NRG1: variants seen among roughly 807,000 people sequenced by gnomAD.
The protein encoded by NRG1 is neuregulin 1.
NRG1 carries 18 observed loss-of-function variants against 63.8 expected under a neutral mutation model. That is an observed-to-expected ratio of 0.28 (90% CI 0.19 to 0.42). The LOEUF (loss-of-function observed/expected upper bound fraction) is 0.42, where lower values mean the gene tolerates loss of function less well. Among genes scored for constraint, NRG1 ranks in the 10% least tolerant of loss-of-function variants. NRG1 has a pLI of 1.00. For synonymous variants in NRG1, 302 were observed against 301.3 expected (o/e 1.00, Z -0.02); for missense variants, 762 against 814.7 (o/e 0.94, Z 0.79).
In NRG1 at chr8:32,339,652, T is replaced by C. The variant is rs1414814895; in HGVS notation, c.38-256176T>C. 2.0e-5 allele frequency among the ~76,000 whole-genome samples: 3 copies of C among 152,190 alleles called. No homozygotes were observed. The East Asian group carries it at 5.8e-4, about 29-fold the overall frequency. ...TACATGCTTTATCTAATTTAATCTG[T>C]ACAACCAATTTATGAAATGGGCATT... On this transcript the variant is annotated intron_variant, in intron 1 of 10. Coordinates refer to the NRG1 transcript ENST00000519301.
chr8:32,539,236 C>T (rs1372021636), intron 1 of NRG1, among the ~76,000 whole-genome samples: 1 of 152,134 alleles, frequency 6.6e-6, no homozygotes, highest in African/African-American at 2.4e-5. Context: ...CTAATAGAGA[C>T]GTTACACGAA....
chr8:31,649,294 A>G (rs901046136), intron 1 of NRG1, among the ~76,000 whole-genome samples: 2 of 152,150 alleles, frequency 1.3e-5, no homozygotes, highest in African/African-American at 2.4e-5. Context: ...AGGAGCTATC[A>G]TACTGTTTTC....
At position 31,695,376 on chromosome 8, in the gene NRG1, G is replaced by A. The variant is rs562802649; in HGVS notation, c.37+55945G>A. Among the ~76,000 whole-genome samples, 222 of 152,276 alleles carry A rather than the reference G, an allele frequency of 1.5e-3. 1 individual carries two copies. Among genetic ancestry groups the A allele is most frequent in the African/African-American group, 5.1e-3 (212 of 41,552 alleles). Reference sequence around the variant, plus strand: ...GTAAATACGGGGTTTTGCCCTGTTGGCGAGGCTGATCTCAAACTCCTGGCC... The same window carrying A: ...GTAAATACGGGGTTTTGCCCTGTTGACGAGGCTGATCTCAAACTCCTGGCC... On this transcript the variant is annotated intron_variant, in intron 1 of 10. Coordinates refer to the NRG1 transcript ENST00000519301.
intron 1 of NRG1, among the ~76,000 whole-genome samples, chr8:32,273,921 A>G (rs1378196926): frequency 6.6e-6 from 1 of 152,226 alleles, no homozygotes; most frequent in Admixed American, 6.5e-5. Flanking sequence ...AGAACAATTA[A>G]TAGTCATAAT....
At chr8:31,781,311 A>G (rs1819660045) in intron 1 of NRG1, among the ~76,000 whole-genome samples, 1 of 152,098 alleles carries the variant, frequency 6.6e-6, no homozygotes, top group Admixed American at 6.5e-5. Flanking sequence ...TAGCTTGTGT[A>G]CAAAGGTTGT....
At chr8:32,155,341 T>C (rs760920228) in intron 1 of NRG1, among the ~76,000 whole-genome samples, 22 of 152,222 alleles carry the variant, frequency 1.4e-4, no homozygotes, top group Non-Finnish European at 2.8e-4. Flanking sequence ...TTGAGTTTTC[T>C]TCCTTCAATT....
At chr8:32,743,501 G>A (rs370792067) in intron 7 of NRG1, among the ~76,000 whole-genome samples, 125 of 145,146 alleles carry the variant, frequency 8.6e-4, no homozygotes, top group Non-Finnish European at 1.5e-3. Flanking sequence ...CTCAACTATA[G>A]GATAAATATG....
chr8:31,968,582 T>C (rs913667931), intron 1 of NRG1, among the ~76,000 whole-genome samples: 3 of 152,160 alleles, frequency 2.0e-5, no homozygotes, highest in Admixed American at 6.5e-5. Context: ...ACATGACATA[T>C]AGTACCCCTT....
chr8:32,771,503 T>C (rs554764508), downstream of NRG1, among the ~76,000 whole-genome samples: 56 of 151,080 alleles, frequency 3.7e-4, no homozygotes, highest in East Asian at 0.011. Context: ...AACTCTGATT[T>C]TTAGCAGCTT....
chr8:31,807,037 C>A (rs1168472809), intron 1 of NRG1, among the ~76,000 whole-genome samples: 4 of 152,186 alleles, frequency 2.6e-5, no homozygotes, highest in African/African-American at 7.2e-5. Context: ...ATTAAAAAGA[C>A]AATGCTTTGT....
intron 5 of NRG1, among the ~76,000 whole-genome samples, chr8:32,679,492 A>G (rs1183358272): frequency 6.6e-6 from 1 of 152,190 alleles, no homozygotes; most frequent in African/African-American, 2.4e-5. Flanking sequence ...TTAAGCATTT[A>G]GCTCTCTCAA....
chr8:32,528,228 C>A (rs60881340), intron 1 of NRG1, among the ~76,000 whole-genome samples: 1 of 152,064 alleles, frequency 6.6e-6, no homozygotes, highest in Non-Finnish European at 1.5e-5. Flanking sequence ...TATATGACTA[C>A]GTGAAAGTAC....
intron 1 of NRG1, among the ~76,000 whole-genome samples, chr8:32,017,204 T>G (rs1422386574): frequency 6.6e-6 from 1 of 152,208 alleles, no homozygotes; most frequent in East Asian, 1.9e-4. Flanking sequence ...TGCATATTTT[T>G]GCAATTTGGA....
intron 1 of NRG1, among the ~76,000 whole-genome samples, chr8:31,773,814 C>G: frequency 6.6e-6 from 1 of 152,048 alleles, no homozygotes; most frequent in Non-Finnish European, 1.5e-5. Context: ...TAAAAGTTAC[C>G]TTCTCTGAGT....
chr8:31,856,463 T>A (rs1563489535), intron 1 of NRG1, among the ~76,000 whole-genome samples: 1 of 152,248 alleles, frequency 6.6e-6, no homozygotes, highest in Non-Finnish European at 1.5e-5. Context: ...TTTAGCTCCA[T>A]CAGCTCCTTT....
chr8:32,163,939 C>A (rs551493975), intron 1 of NRG1, among the ~76,000 whole-genome samples: 13 of 152,092 alleles, frequency 8.5e-5, no homozygotes, highest in Non-Finnish European at 1.5e-5. Context: ...ATTTATGAAC[C>A]ACTGGCTCCT....
intron 1 of NRG1, among the ~76,000 whole-genome samples, chr8:31,973,427 T>C (rs1396627633): frequency 5.9e-5 from 9 of 152,214 alleles, no homozygotes; most frequent in Non-Finnish European, 1.0e-4. Flanking sequence ...TATGCCACAC[T>C]GAAGCCTGGG....
intron 1 of NRG1, among the ~76,000 whole-genome samples, chr8:32,160,141 G>A (rs1481200475): frequency 1.3e-5 from 2 of 152,188 alleles, no homozygotes; most frequent in East Asian, 1.9e-4. Flanking sequence ...TTCAGATCCC[G>A]AGTGCAGGTG....
At chr8:32,055,355 C>G (rs879352853) in intron 1 of NRG1, among the ~76,000 whole-genome samples, 31 of 152,108 alleles carry the variant, frequency 2.0e-4, no homozygotes, top group Non-Finnish European at 3.1e-4. Context: ...CAAGAATTTT[C>G]TGATTGACAT....
Sources: allele counts gnomAD v4.1 joint callset (sites outside exome capture counted in the v4.1 genomes callset), GRCh38; gene constraint gnomAD v4.1.1; transcripts MANE v1.5; gene names NCBI Gene and HGNC (gene_info 2026-07-23, HGNC 2026-07-21).